PLCG2: variants seen among roughly 807,000 people sequenced by gnomAD.
PLCG2 encodes 1-phosphatidylinositol 4,5-bisphosphate phosphodiesterase gamma-2.
PLCG2 carries 69 observed loss-of-function variants against 175.6 expected under a neutral mutation model. The observed-to-expected ratio is 0.39, with a 90% confidence interval of 0.32 to 0.48. The LOEUF is 0.48. Ranked by LOEUF, PLCG2 falls within the 20% of genes least tolerant of loss-of-function variation. PLCG2 has a pLI of 0.91. For missense variants in PLCG2, 1,798 were observed against 1,650.9 expected (o/e 1.09, Z -1.54); for synonymous variants, 827 against 624.0 (o/e 1.33, Z -4.85).
chr16:81,920,976 G>A (rs1394001909), intron 20 of PLCG2, among the ~76,000 whole-genome samples: 1 of 152,188 alleles, frequency 6.6e-6, no homozygotes, highest in South Asian at 2.1e-4. Flanking sequence ...CACGCAGCAG[G>A]CCAGGACAGG....
chr16:81,791,896 T>C (rs1402240520), intron 2 of PLCG2, among the ~76,000 whole-genome samples: 1 of 151,988 alleles, frequency 6.6e-6, no homozygotes, highest in Non-Finnish European at 1.5e-5. Flanking sequence ...ACATCTACCA[T>C]GTGGTGGTCT....
intron 31 of PLCG2, among the ~76,000 whole-genome samples, chr16:81,954,179 G>A (rs573773406): frequency 7.6e-4 from 115 of 152,040 alleles, no homozygotes; most frequent in Non-Finnish European, 1.3e-3. Context: ...ATGCCACCAT[G>A]CCTGGCTAAT....
chr16:81,763,455 A>T (rs1910081333), intron 2 of PLCG2, among the ~76,000 whole-genome samples: 1 of 152,186 alleles, frequency 6.6e-6, no homozygotes, highest in Admixed American at 6.5e-5. Context: ...GGCCATCTCC[A>T]AGGTGTCCTC....
intron 5 of PLCG2, among the ~76,000 whole-genome samples, chr16:81,864,708 C>T (rs565935364): frequency 5.9e-5 from 9 of 152,256 alleles, no homozygotes; most frequent in South Asian, 4.1e-4. Flanking sequence ...ACAAAAGAGC[C>T]GGGGGCAGTG....
At chr16:81,854,837 A>T (rs1906601301) in intron 3 of PLCG2, among the ~76,000 whole-genome samples, 1 of 152,116 alleles carries the variant, frequency 6.6e-6, no homozygotes, top group African/African-American at 2.4e-5. Context: ...TATTGTGAGG[A>T]GTATGTTAAG....
intron 2 of PLCG2, among the ~76,000 whole-genome samples, chr16:81,810,640 C>G (rs200871705): frequency 3.9e-5 from 2 of 51,354 alleles, no homozygotes; most frequent in African/African-American, 6.0e-5. Context: ...TCTGCAATTT[C>G]TTTCTTTTTA....
intron 5 of PLCG2, among the ~76,000 whole-genome samples, chr16:81,860,169 A>ATTTTTTTT (rs1375490447): frequency 1.1e-5 from 1 of 93,382 alleles, no homozygotes; most frequent in Non-Finnish European, 2.5e-5. Context: ...TATTATTATT[A>ATTTTTTTT]TTATTTTTTT....
intron 2 of PLCG2, among the ~76,000 whole-genome samples, chr16:81,763,339 G>T (rs1052463377): frequency 2.0e-5 from 3 of 152,222 alleles, no homozygotes; most frequent in Admixed American, 2.0e-4. Context: ...CAATAACTCA[G>T]ATTTTCTCAT....
chr16:81,880,636 C>T (rs570672111), intron 7 of PLCG2, among the ~76,000 whole-genome samples: 1 of 152,082 alleles, frequency 6.6e-6, no homozygotes, highest in East Asian at 1.9e-4. Flanking sequence ...AATGAATATC[C>T]CTAAAACAAA....
chr16:81,896,069 C>T, intron 13 of PLCG2, 142 bp downstream of exon 13: 5 of 1,066,732 alleles, frequency 4.7e-6, no homozygotes, highest in Non-Finnish European at 2.8e-6. Context: ...GCCAAAGCCA[C>T]TGCCATCAAG....
intron 3 of PLCG2, 33 bp downstream of exon 3, chr16:81,854,620 C>T (rs375894871): frequency 3.1e-5 from 49 of 1,604,336 alleles, no homozygotes; most frequent in Non-Finnish European, 3.9e-5. Flanking sequence ...TTCTCCTTCC[C>T]TGTGCCTTAG....
At chr16:81,763,251 C>G (rs1475560019) in intron 2 of PLCG2, among the ~76,000 whole-genome samples, 2 of 152,350 alleles carry the variant, frequency 1.3e-5, no homozygotes, top group African/African-American at 4.8e-5. Flanking sequence ...GCAAGCTCCA[C>G]TCAGCAAAAT....
intron 1 of PLCG2, among the ~76,000 whole-genome samples, chr16:81,747,935 C>T (rs953880177): frequency 1.2e-4 from 19 of 152,112 alleles, no homozygotes; most frequent in African/African-American, 3.4e-4. Flanking sequence ...AGTGCAGTAG[C>T]GTGATCTTGG....
intron 2 of PLCG2, among the ~76,000 whole-genome samples, chr16:81,843,658 T>C (rs564243082): frequency 7.9e-5 from 12 of 152,370 alleles, no homozygotes; most frequent in African/African-American, 2.6e-4. Context: ...TAGGATACTA[T>C]ACAGTAATGT....
In PLCG2 at chr16:81,936,302, TGACTCTTCAAAC is replaced by T; in HGVS notation, c.2977_2988del (p.Asp993_Asn996del). On this transcript the variant is annotated inframe_deletion, in exon 27 of 33. Transcript: ENST00000564138. ...GCGTCTACCCAAAGGGACAAAGAGTTGACTCTTCAAACTACGACCCCTTCCGCCTCTGGCTGT... is the reference window on the plus strand; with the variant it reads ...GCGTCTACCCAAAGGGACAAAGAGTTTACGACCCCTTCCGCCTCTGGCTGT... The T allele has an allele frequency of 6.2e-7, 1 of 1,614,200 alleles. No individual in the cohort carries two copies. The highest frequency in any genetic ancestry group is 8.5e-7 in the Non-Finnish European group (1 of 1,180,022).
At chr16:81,825,533 G>C (rs1005778324) in intron 2 of PLCG2, among the ~76,000 whole-genome samples, 8 of 152,132 alleles carry the variant, frequency 5.3e-5, no homozygotes, top group Admixed American at 3.9e-4. Flanking sequence ...GACCTCAGGT[G>C]TTCCACCTGC....
At chr16:81,845,967 T>G (rs77236903) in intron 2 of PLCG2, among the ~76,000 whole-genome samples, 1 of 152,206 alleles carries the variant, frequency 6.6e-6, no homozygotes. Flanking sequence ...CATCTCAGTT[T>G]CCTCATTTGT....
At chr16:81,910,067 C>T (rs1027419758) in intron 17 of PLCG2, among the ~76,000 whole-genome samples, 1 of 151,974 alleles carries the variant, frequency 6.6e-6, no homozygotes, top group Non-Finnish European at 1.5e-5. Flanking sequence ...AGGGTCTAGC[C>T]TATACTAAGG....
chr16:81,933,285 C>T (rs186209561), intron 25 of PLCG2, among the ~76,000 whole-genome samples: 1 of 152,220 alleles, frequency 6.6e-6, no homozygotes, highest in Non-Finnish European at 1.5e-5. Flanking sequence ...CTGGGCACAG[C>T]TACCCCTTTT....
Sources: allele counts gnomAD v4.1 joint callset (sites outside exome capture counted in the v4.1 genomes callset), GRCh38; gene constraint gnomAD v4.1.1; transcripts MANE v1.5; gene names NCBI Gene and HGNC (gene_info 2026-07-23, HGNC 2026-07-21).